The following PRDM5 variants were observed in gnomAD, a reference collection of about 807,000 sequenced individuals.
The protein encoded by PRDM5 is PR/SET domain 5.
A neutral mutation model predicts 81.2 loss-of-function variants in PRDM5; 56 were observed. The ratio of observed to expected loss-of-function variants is 0.69; its 90% confidence interval spans 0.56 to 0.86. The LOEUF (loss-of-function observed/expected upper bound fraction) is 0.86. PRDM5 is among the 40% of genes least tolerant of loss of function. The pLI is 0.00. For missense variants in PRDM5, 697 were observed against 770.1 expected, an observed-to-expected ratio of 0.91 and a Z score of 1.12; for synonymous variants, 267 against 256.4, an observed-to-expected ratio of 1.04 and a Z score of -0.39.
intron 11 of PRDM5, 82 bp downstream of exon 11, chr4:120,784,916 G>T: frequency 9.1e-7 from 1 of 1,099,086 alleles, no homozygotes; most frequent in East Asian, 2.5e-5. Flanking sequence ...GCACACCTCT[G>T]GGATGTCTAC....
At chr4:120,789,296 A>G (rs921822400) in intron 10 of PRDM5, among the ~76,000 whole-genome samples, 1 of 152,170 alleles carries the variant, frequency 6.6e-6, no homozygotes, top group Admixed American at 6.5e-5. Flanking sequence ...TTCTGGCGTA[A>G]TGTACATTAA....
Position 120,694,962 on chromosome 4 carries a change from A to G in PRDM5, c.*149T>C. The G allele has an allele frequency of 1.1e-6, 1 of 875,308 alleles. No homozygotes were observed. The highest frequency in any genetic ancestry group is 1.5e-5 in the South Asian group (1 of 66,896). The allele number at this position is 875,308 out of a possible 1,614,324, so 54.2% of individuals were successfully genotyped here. On this transcript the variant is annotated 3_prime_UTR_variant, in exon 16 of 16. Coordinates refer to ENST00000264808, the MANE Select transcript of PRDM5 (RefSeq NM_018699.4). ...AAGTAAGACTTTTTTTTGGTTGCAT[A>G]TGCATCTACAGACTCTAAATGTAGG...
chr4:120,688,996 C>T (rs1381921354), downstream of PRDM5, among the ~76,000 whole-genome samples: 1 of 152,128 alleles, frequency 6.6e-6, no homozygotes, highest in East Asian at 1.9e-4. Context: ...ATTCTAGTGA[C>T]TCTGTGCCAT....
intron 14 of PRDM5, among the ~76,000 whole-genome samples, 158 bp from the exon 15 acceptor site, chr4:120,710,571 A>C (rs572553948): frequency 1.6e-4 from 25 of 152,166 alleles, no homozygotes; most frequent in Admixed American, 1.4e-3. Flanking sequence ...TTTCATCTTG[A>C]ATTGTAGTTC....
chr4:120,742,948 G>C (rs1041454035), intron 14 of PRDM5, among the ~76,000 whole-genome samples: 1 of 151,940 alleles, frequency 6.6e-6, no homozygotes, highest in Admixed American at 6.6e-5. Flanking sequence ...GATACTCCTC[G>C]AGAAGAGCAA....
chr4:120,898,967 A>G (rs1764952708), intron 2 of PRDM5, among the ~76,000 whole-genome samples: 2 of 152,170 alleles, frequency 1.3e-5, no homozygotes. Flanking sequence ...CCAAACGAGC[A>G]CATCATTTTT....
chr4:120,846,834 T>C (rs1758705197), intron 3 of PRDM5, among the ~76,000 whole-genome samples: 1 of 152,192 alleles, frequency 6.6e-6, no homozygotes, highest in South Asian at 2.1e-4. Flanking sequence ...TTAGTCATAG[T>C]ATCTCCAGTG....
At chr4:120,806,372 A>G (rs545726428) in intron 8 of PRDM5, among the ~76,000 whole-genome samples, 1 of 152,344 alleles carries the variant, frequency 6.6e-6, no homozygotes, top group Admixed American at 6.5e-5. Context: ...TGGAACTAAA[A>G]CAAAGCCCAC....
chr4:120,750,155 A>G (rs568278163), intron 14 of PRDM5, among the ~76,000 whole-genome samples: 1 of 152,366 alleles, frequency 6.6e-6, no homozygotes, highest in South Asian at 2.1e-4. Context: ...TGATAGCCAC[A>G]TGTAGCTAGT....
chr4:120,801,241 A>C lies in PRDM5; in HGVS notation c.946-1496T>G, dbSNP rs1402636781. Among the ~76,000 whole-genome samples the C allele has an allele frequency of 2.0e-5, 3 of 152,240 alleles. No individual in the cohort carries two copies. In the South Asian group the frequency reaches 6.2e-4, roughly 31 times the overall value. On this transcript the variant is annotated intron_variant, in intron 8 of 15. Coordinates refer to ENST00000264808, the MANE Select transcript of PRDM5 (RefSeq NM_018699.4). ...GCAGAATAACTAGGAATAACAGTGC[A>C]GAGTGAAAGATCTAGGCAAAAGTCC... is the stretch of plus-strand genomic sequence containing the variant.
chr4:120,720,365 A>G (rs1378201979), intron 14 of PRDM5, among the ~76,000 whole-genome samples: 1 of 152,170 alleles, frequency 6.6e-6, no homozygotes, highest in Non-Finnish European at 1.5e-5. Flanking sequence ...GGAGTCAGGT[A>G]AGATTAGTAA....
chr4:120,776,944 A>G (rs1578691600), intron 13 of PRDM5, among the ~76,000 whole-genome samples: 2 of 152,216 alleles, frequency 1.3e-5, no homozygotes, highest in Non-Finnish European at 2.9e-5. Flanking sequence ...AATCACAGTT[A>G]TATCACAACC....
At chr4:120,915,305 A>G (rs1272932633) in intron 1 of PRDM5, among the ~76,000 whole-genome samples, 1 of 152,194 alleles carries the variant, frequency 6.6e-6, no homozygotes, top group Non-Finnish European at 1.5e-5. Flanking sequence ...CATCCAAACA[A>G]GTAAAAAATC....
chr4:120,742,309 T>TA (rs1742154994), intron 14 of PRDM5, among the ~76,000 whole-genome samples: 1 of 152,080 alleles, frequency 6.6e-6, no homozygotes. Flanking sequence ...CAAAGGTAGA[T>TA]AAAACCACAA....
chr4:120,904,221 C>T (rs1215926817), intron 2 of PRDM5, among the ~76,000 whole-genome samples: 1 of 42,894 alleles, frequency 2.3e-5, no homozygotes, highest in East Asian at 8.8e-4. Context: ...AAACCTCCTT[C>T]CTTTATAAAT....
At chr4:120,880,693 T>G (rs1762761155) in intron 2 of PRDM5, among the ~76,000 whole-genome samples, 1 of 152,116 alleles carries the variant, frequency 6.6e-6, no homozygotes, top group Non-Finnish European at 1.5e-5. Context: ...AAAAATAGAT[T>G]CACAAAAGCA....
intron 2 of PRDM5, among the ~76,000 whole-genome samples, chr4:120,863,571 C>T (rs1278353276): frequency 6.6e-6 from 1 of 151,960 alleles, no homozygotes; most frequent in Non-Finnish European, 1.5e-5. Flanking sequence ...ACTTAACTTA[C>T]AGAAATTAAA....
intron 13 of PRDM5, among the ~76,000 whole-genome samples, chr4:120,761,148 C>T (rs889831689): frequency 6.6e-6 from 1 of 152,200 alleles, no homozygotes; most frequent in Non-Finnish European, 1.5e-5. Context: ...CTGGAACACC[C>T]GAGATGGAAG....
intron 11 of PRDM5, among the ~76,000 whole-genome samples, chr4:120,782,416 CTAT>C (rs1437525060): frequency 3.3e-5 from 5 of 151,814 alleles, no homozygotes; most frequent in African/African-American, 1.2e-4. Flanking sequence ...TATGAAGACT[CTAT>C]TATTTCTTCA....
Sources: allele counts gnomAD v4.1 joint callset (sites outside exome capture counted in the v4.1 genomes callset), GRCh38; gene constraint gnomAD v4.1.1; transcripts MANE v1.5; gene names NCBI Gene and HGNC (gene_info 2026-07-23, HGNC 2026-07-21).